ARHGEF37: variants seen among roughly 807,000 people sequenced by gnomAD.
The protein encoded by ARHGEF37 is Rho guanine nucleotide exchange factor (GEF) 37.
ARHGEF37 carries 55 observed loss-of-function variants against 71.1 expected under a neutral mutation model. That is an observed-to-expected ratio of 0.77 (90% confidence interval 0.62 to 0.97). The LOEUF (loss-of-function observed/expected upper bound fraction) is 0.97. Ranked by LOEUF, ARHGEF37 falls within the 50% of genes least tolerant of loss-of-function variation. The pLI is 0.00. For missense variants in ARHGEF37, 765 were observed against 836.8 expected, an observed-to-expected ratio of 0.91 and a Z score of 1.06; for synonymous variants, 327 against 350.6, an observed-to-expected ratio of 0.93 and a Z score of 0.75.
At chr5:149,598,418 T>TCTTCTC (rs911237129) in intron 2 of ARHGEF37, among the ~76,000 whole-genome samples, 2 of 149,184 alleles carry the variant, frequency 1.3e-5, no homozygotes, top group African/African-American at 2.5e-5. Context: ...CTCTTCTCCT[T>TCTTCTC]CTTCTCCTTC....
intron 1 of ARHGEF37, among the ~76,000 whole-genome samples, chr5:149,570,340 G>A (rs996131663): frequency 7.2e-5 from 11 of 152,138 alleles, no homozygotes; most frequent in South Asian, 4.1e-4. Context: ...TTGGGAGGCC[G>A]AGGTGGGTGG....
chr5:149,597,886 C>T lies in ARHGEF37; in HGVS notation c.117C>T (p.Ile39=), dbSNP rs149126376. ...LHQRLAVREL[I]DTEVSYLHML... ...AGAGGCTGGCTGTCCGGGAGCTCATCGACACTGAGGTCTCCTACTTGCACA... is the reference window on the plus strand; with the variant it reads ...AGAGGCTGGCTGTCCGGGAGCTCATTGACACTGAGGTCTCCTACTTGCACA... The change falls in exon 2 of 13, where the codon ATC becomes ATT. Residue 39 remains isoleucine, a synonymous_variant. Transcript: ENST00000333677. 1.1e-5 allele frequency: 18 copies of T among 1,609,310 alleles called. No individual in the cohort carries two copies. Among genetic ancestry groups the T allele is most frequent in the African/African-American group, 4.0e-5 (3 of 74,794 alleles).
intron 1 of ARHGEF37, among the ~76,000 whole-genome samples, chr5:149,564,879 C>A (rs1401771880): frequency 1.3e-5 from 2 of 152,134 alleles, no homozygotes; most frequent in Non-Finnish European, 2.9e-5. Flanking sequence ...TATGGCACAG[C>A]AAGGTATGTT....
intron 10 of ARHGEF37, among the ~76,000 whole-genome samples, chr5:149,624,770 G>C (rs1752632422): frequency 6.6e-6 from 1 of 152,126 alleles, no homozygotes; most frequent in Non-Finnish European, 1.5e-5. Flanking sequence ...TTCAACATGA[G>C]CATTCAACAT....
Position 149,619,048 on chromosome 5 carries a change from G to C in ARHGEF37, c.894+6G>C. 1 of 1,609,566 alleles carries C rather than the reference G, an allele frequency of 6.2e-7. No homozygotes were observed. Among genetic ancestry groups the C allele is most frequent in the Non-Finnish European group, 8.5e-7 (1 of 1,175,786 alleles). ...CTTACCTGGACAATCTGCAGGTGAG[G>C]ACACTGCAGGGTTCATAAAGGGCGA... On this transcript the variant is annotated splice_donor_region_variant and intron_variant, in intron 7 of 12. Coordinates refer to ENST00000333677, the MANE Select transcript of ARHGEF37 (RefSeq NM_001001669.3).
At chr5:149,573,095 C>T (rs1232614531) in intron 1 of ARHGEF37, among the ~76,000 whole-genome samples, 1 of 152,020 alleles carries the variant, frequency 6.6e-6, no homozygotes, top group Non-Finnish European at 1.5e-5. Context: ...GGCTTTATAA[C>T]AACTTACTCT....
chr5:149,573,418 C>T (rs1345092174), intron 1 of ARHGEF37, among the ~76,000 whole-genome samples: 3 of 152,172 alleles, frequency 2.0e-5, no homozygotes, highest in Non-Finnish European at 4.4e-5. Context: ...CTGGAGAACT[C>T]TAATACATTT....
intron 1 of ARHGEF37, among the ~76,000 whole-genome samples, chr5:149,588,226 G>GC (rs1488760434): frequency 4.1e-5 from 6 of 147,980 alleles, no homozygotes; most frequent in South Asian, 2.1e-4. Context: ...TTGTTTGTTT[G>GC]TTTGCTTTGA....
At chr5:149,619,065 A>T in intron 7 of ARHGEF37, 23 bp downstream of exon 7, 1 of 1,601,008 alleles carries the variant, frequency 6.2e-7, no homozygotes, top group Non-Finnish European at 8.6e-7. Context: ...CAGGGTTCAT[A>T]AAGGGCGAGT....
At chr5:149,570,311 C>G (rs1159088375) in intron 1 of ARHGEF37, among the ~76,000 whole-genome samples, 1 of 152,148 alleles carries the variant, frequency 6.6e-6, no homozygotes, top group Non-Finnish European at 1.5e-5. Flanking sequence ...CAGTGGCTCA[C>G]ACCTGTAATC....
rs140788702 is a variant in ARHGEF37, at chr5:149,626,280, ACACACACG to A, written c.1465-794_1465-787del. 9.0e-3 allele frequency among the ~76,000 whole-genome samples: 1,287 copies of A among 143,734 alleles called. 14 individuals are homozygous for A. The highest frequency in any genetic ancestry group is 0.021 in the Middle Eastern group (6 of 290). 94.3% of individuals were successfully genotyped at this position (143,734 alleles called of 152,430 possible). A position where few individuals can be genotyped will look rare whatever the true frequency, so the allele number is the denominator to read the frequency against. ...CACACACACACACACACACACACAC[ACACACACG>A]CCTCTCTCAAGACATAGAGTAAATA... is the stretch of plus-strand genomic sequence containing the variant. On this transcript the variant is annotated intron_variant, in intron 10 of 12. Coordinates refer to ENST00000333677, the MANE Select transcript of ARHGEF37 (RefSeq NM_001001669.3).
chr5:149,619,923 A>G (rs1016973705), intron 7 of ARHGEF37, among the ~76,000 whole-genome samples: 1 of 152,070 alleles, frequency 6.6e-6, no homozygotes, highest in African/African-American at 2.4e-5. Context: ...TACGAAAAAC[A>G]TTAGCCAGGC....
rs529403805 is a variant in ARHGEF37, at chr5:149,555,838, T to C, written c.-12+3715T>C. Among the ~76,000 whole-genome samples, 5 of 152,194 alleles carry C rather than the reference T, an allele frequency of 3.3e-5. No individual in the cohort carries two copies. The East Asian group carries it at 9.6e-4, about 29-fold the overall frequency. On this transcript the variant is annotated intron_variant, in intron 1 of 2. Transcript: ENST00000505810. ...AGATGAATTTTAAAACTTTTTTTTT[T>C]CTTGGCTGGGTGTGATGGCTCATGC...
intron 8 of ARHGEF37, among the ~76,000 whole-genome samples, chr5:149,620,793 C>T (rs966735702): frequency 3.3e-5 from 5 of 151,130 alleles, no homozygotes; most frequent in African/African-American, 1.2e-4. Context: ...ATCATGCCAC[C>T]GCACTCCAGC....
intron 1 of ARHGEF37, among the ~76,000 whole-genome samples, chr5:149,593,540 A>G (rs1763467561): frequency 6.6e-6 from 1 of 152,262 alleles, no homozygotes; most frequent in South Asian, 2.1e-4. Context: ...GGGTACCAAC[A>G]TGTGCCAGGG....
At chr5:149,556,126 T>C (rs565659933) in intron 1 of ARHGEF37, among the ~76,000 whole-genome samples, 78 of 152,268 alleles carry the variant, frequency 5.1e-4, no homozygotes, top group Admixed American at 1.8e-3. Context: ...TCTCTAGAAT[T>C]GTTTGGTGCA....
intron 1 of ARHGEF37, among the ~76,000 whole-genome samples, chr5:149,588,823 G>C (rs1392565096): frequency 6.6e-6 from 1 of 152,170 alleles, no homozygotes; most frequent in Non-Finnish European, 1.5e-5. Flanking sequence ...CTAGCTGATG[G>C]ATCCTCAACT....
chr5:149,558,727 GTGTGTGTGTGTA>G (rs369585243), intron 1 of ARHGEF37, among the ~76,000 whole-genome samples: 10,510 of 120,186 alleles, frequency 0.087, 475 homozygotes, highest in Middle Eastern at 0.17. Context: ...GTGTGTGTGT[GTGTGTGTGTGTA>G]TATATATTTT....
At chr5:149,582,237 A>G (rs993277300) in intron 1 of ARHGEF37, among the ~76,000 whole-genome samples, 4 of 152,204 alleles carry the variant, frequency 2.6e-5, no homozygotes, top group African/African-American at 9.6e-5. Context: ...CCCCTTAGAG[A>G]TCTGTGTCCA....
Sources: gnomAD v4.1 joint callset for allele counts (sites outside exome capture counted in the v4.1 genomes callset) on GRCh38, gnomAD v4.1.1 for gene constraint, MANE v1.5 for transcripts, NCBI Gene and HGNC (gene_info 2026-07-23, HGNC 2026-07-21) for gene names.